Variants in LPP observed in about 807,000 individuals in gnomAD.
LPP encodes lipoma-preferred partner.
In LPP, 38 loss-of-function variants were observed where a neutral mutation model predicts 60.4. That is an observed-to-expected ratio of 0.63 (90% CI 0.49 to 0.83). LPP has a LOEUF of 0.83. Among genes scored for constraint, LPP ranks in the 40% least tolerant of loss-of-function variants. The probability of loss-of-function intolerance (pLI) is 0.00; values close to 1 mark genes in which losing one functional copy is unlikely to be tolerated. For synonymous variants in LPP, 328 were observed against 290.8 expected (o/e 1.13, Z -1.30); for missense variants, 902 against 783.6 (o/e 1.15, Z -1.80).
At chr3:188,561,149 G>A (rs1449532704) in intron 6 of LPP, among the ~76,000 whole-genome samples, 1 of 152,052 alleles carries the variant, frequency 6.6e-6, no homozygotes, top group Non-Finnish European at 1.5e-5. Context: ...TCTTAAGCCT[G>A]TAGGATCTAC....
intron 8 of LPP, among the ~76,000 whole-genome samples, chr3:188,716,618 A>G (rs971825831): frequency 6.6e-6 from 1 of 152,170 alleles, no homozygotes; most frequent in African/African-American, 2.4e-5. Flanking sequence ...AAGGAATTTG[A>G]CTTAATATTT....
chr3:188,688,582 C>T (rs1354992804), intron 7 of LPP, among the ~76,000 whole-genome samples: 2 of 152,130 alleles, frequency 1.3e-5, no homozygotes, highest in African/African-American at 4.8e-5. Context: ...CCTTCAAGGA[C>T]TTTCTAAGTA....
At chr3:188,843,702 G>C (rs1402702088) in intron 9 of LPP, among the ~76,000 whole-genome samples, 2 of 149,826 alleles carry the variant, frequency 1.3e-5, no homozygotes, top group Non-Finnish European at 3.0e-5. Context: ...CAGGAGAATG[G>C]CGTGAACCCG....
chr3:188,646,263 A>C (rs1304642991), intron 7 of LPP, among the ~76,000 whole-genome samples: 1 of 152,120 alleles, frequency 6.6e-6, no homozygotes, highest in Non-Finnish European at 1.5e-5. Flanking sequence ...GGGAGTGACC[A>C]AGGATGGTCA....
intron 1 of LPP, among the ~76,000 whole-genome samples, chr3:188,176,108 G>C (rs1293644340): frequency 6.6e-6 from 1 of 152,052 alleles, no homozygotes; most frequent in East Asian, 1.9e-4. Flanking sequence ...GATCATAAAG[G>C]TCATCTAGTC....
intron 4 of LPP, among the ~76,000 whole-genome samples, chr3:188,418,201 T>C (rs1238698950): frequency 6.6e-6 from 1 of 152,152 alleles, no homozygotes; most frequent in Non-Finnish European, 1.5e-5. Context: ...CTAATAAATG[T>C]AGAAGTCACA....
chr3:188,363,677 C>G (rs528694463), intron 3 of LPP, among the ~76,000 whole-genome samples: 1 of 151,984 alleles, frequency 6.6e-6, no homozygotes, highest in Non-Finnish European at 1.5e-5. Context: ...GAGGCCAAGG[C>G]GGGCAGATCA....
chr3:188,704,740 A>G (rs1202808993), intron 7 of LPP, among the ~76,000 whole-genome samples: 4 of 149,934 alleles, frequency 2.7e-5, no homozygotes, highest in African/African-American at 9.8e-5. Context: ...AATTTTGTGT[A>G]CACTGCAGAT....
chr3:188,545,362 A>G (rs1826341336), intron 6 of LPP, among the ~76,000 whole-genome samples: 1 of 151,668 alleles, frequency 6.6e-6, no homozygotes, highest in African/African-American at 2.4e-5. Context: ...GGTTGAGGCA[A>G]AACAAGCACT....
intron 2 of LPP, among the ~76,000 whole-genome samples, chr3:188,322,534 G>A (rs911580733): frequency 2.0e-5 from 3 of 152,128 alleles, no homozygotes; most frequent in East Asian, 1.9e-4. Flanking sequence ...TGGCTTAGTC[G>A]TTCACTCTTC....
intron 7 of LPP, among the ~76,000 whole-genome samples, chr3:188,681,464 A>T (rs939672311): frequency 6.6e-6 from 1 of 152,190 alleles, no homozygotes; most frequent in African/African-American, 2.4e-5. Context: ...ATAGCATTTG[A>T]TCTACCTTCT....
intron 7 of LPP, among the ~76,000 whole-genome samples, chr3:188,683,977 A>G (rs1174716397): frequency 6.6e-6 from 1 of 152,230 alleles, no homozygotes; most frequent in Non-Finnish European, 1.5e-5. Context: ...GAGTGTTGTC[A>G]TTTTAATCTC....
rs1331761956 is a variant in LPP, at chr3:188,568,163, G to A, written c.430-40998G>A. 2.0e-5 allele frequency: 3 copies of A among 152,052 alleles called. No homozygotes were observed. The East Asian group carries it at 5.8e-4, about 30-fold the overall frequency. The allele number at this position is 152,052 out of a possible 1,614,324, so 9.4% of individuals were successfully genotyped here. ...ATAAATTGGTCATTTGTAGAAAGTA[G>A]TTCAGTGGCTGAGAATCTGGCATAA... On this transcript the variant is annotated intron_variant, in intron 6 of 11. Coordinates refer to ENST00000617246, the MANE Select transcript of LPP (RefSeq NM_001375462.1).
At chr3:188,255,846 A>C (rs1731479745) in intron 2 of LPP, among the ~76,000 whole-genome samples, 1 of 152,178 alleles carries the variant, frequency 6.6e-6, no homozygotes. Context: ...AGGGTAAAGT[A>C]GCCAAATACC....
At chr3:188,463,576 C>G (rs1799651143) in intron 4 of LPP, among the ~76,000 whole-genome samples, 1 of 152,004 alleles carries the variant, frequency 6.6e-6, no homozygotes, top group African/African-American at 2.4e-5. Flanking sequence ...ATTTTCTTAC[C>G]CATCTTTGCA....
In LPP at chr3:188,170,423, C is replaced by A. The variant is rs991743460; in HGVS notation, c.-190+16171C>A. ...TCGGCTGACTGCAACCTCCGCCTCC[C>A]AGGCTCAAGCAATTCCACTGCCTCA... On this transcript the variant is annotated intron_variant, in intron 1 of 11. Coordinates refer to ENST00000617246, the MANE Select transcript of LPP (RefSeq NM_001375462.1). 6.6e-5 allele frequency among the ~76,000 whole-genome samples: 10 copies of A among 151,264 alleles called. No individual in the cohort carries two copies. In the East Asian group the frequency reaches 1.8e-3, roughly 27 times the overall value.
intron 7 of LPP, among the ~76,000 whole-genome samples, chr3:188,631,545 G>A (rs766363662): frequency 2.6e-5 from 4 of 152,134 alleles, no homozygotes; most frequent in Non-Finnish European, 5.9e-5. Context: ...TTGCATCATC[G>A]AAAACCAAGT....
rs948556692 is a variant in LPP, at chr3:188,882,883, C to T, written c.*8404C>T. On this transcript the variant is annotated 3_prime_UTR_variant, in exon 12 of 12. Coordinates refer to ENST00000617246, the MANE Select transcript of LPP (RefSeq NM_001375462.1). ...CCTCCCGAGTAGCTGGGACTACAGA[C>T]GCCCGCCACCGCGCCCAGCTAATTT... The T allele has an allele frequency of 1.7e-4, 30 of 181,122 alleles. No homozygotes were observed. The highest frequency in any genetic ancestry group is 3.3e-4 in the Non-Finnish European group (28 of 84,900). 11.2% of individuals were successfully genotyped at this position (181,122 alleles called of 1,614,324 possible).
chr3:188,539,954 C>T (rs1354320934), intron 6 of LPP, among the ~76,000 whole-genome samples: 1 of 152,132 alleles, frequency 6.6e-6, no homozygotes, highest in Non-Finnish European at 1.5e-5. Flanking sequence ...AGAAGACCTT[C>T]ATTCTGTTCC....
Sources: allele counts gnomAD v4.1 joint callset (sites outside exome capture counted in the v4.1 genomes callset), GRCh38; gene constraint gnomAD v4.1.1; transcripts MANE v1.5; gene names NCBI Gene and HGNC (gene_info 2026-07-23, HGNC 2026-07-21).